SUMF1: variants seen among roughly 807,000 people sequenced by gnomAD.
The protein encoded by SUMF1 is sulfatase modifying factor 1.
Under a neutral mutation model 47.6 loss-of-function variants are expected in SUMF1, and 48 were observed. The ratio of observed to expected loss-of-function variants is 1.01; its 90% CI spans 0.80 to 1.28. The LOEUF is 1.28. Ranked by LOEUF, SUMF1 falls within the 50% of genes most tolerant of loss-of-function variation. The probability of loss-of-function intolerance (pLI) is 0.00; values close to 1 mark genes in which losing one functional copy is unlikely to be tolerated. For missense variants in SUMF1, 571 were observed against 485.4 expected, an observed-to-expected ratio of 1.18 and a Z score of -1.66; for synonymous variants, 230 against 192.1, an observed-to-expected ratio of 1.20 and a Z score of -1.63.
intron 9 of SUMF1, among the ~76,000 whole-genome samples, chr3:4,040,657 T>G (rs1198927274): frequency 2.0e-5 from 3 of 152,200 alleles, no homozygotes; most frequent in Non-Finnish European, 4.4e-5. Context: ...TGTCTGAGAT[T>G]TGATTTAGCA....
chr3:4,441,887 G>A (rs1702599061), intron 3 of SUMF1, among the ~76,000 whole-genome samples: 1 of 152,126 alleles, frequency 6.6e-6, no homozygotes, highest in African/African-American at 2.4e-5. Context: ...TATAAAACCA[G>A]ACAGAACAAC....
chr3:4,357,881 T>C (rs1216513346), downstream of SUMF1, among the ~76,000 whole-genome samples: 2 of 152,096 alleles, frequency 1.3e-5, no homozygotes, highest in Non-Finnish European at 2.9e-5. Context: ...GTGCAGGGAT[T>C]ACAGGCATGA....
chr3:4,157,380 A>G (rs1010784588), intron 8 of SUMF1, among the ~76,000 whole-genome samples: 9 of 151,620 alleles, frequency 5.9e-5, no homozygotes, highest in Non-Finnish European at 1.2e-4. Flanking sequence ...AGTGGCTGTC[A>G]TTATCCATAA....
chr3:4,178,717 A>C (rs961907082), intron 8 of SUMF1, among the ~76,000 whole-genome samples: 1 of 152,174 alleles, frequency 6.6e-6, no homozygotes, highest in African/African-American at 2.4e-5. Context: ...AAAGAAATAA[A>C]GGGTATTCAA....
chr3:4,206,780 C>G (rs1040429710), intron 8 of SUMF1, among the ~76,000 whole-genome samples: 2 of 152,002 alleles, frequency 1.3e-5, no homozygotes, highest in Admixed American at 1.3e-4. Context: ...GGGTTCTATT[C>G]AGCCATCTTG....
chr3:4,048,643 G>C (rs1695049224), intron 9 of SUMF1, among the ~76,000 whole-genome samples: 1 of 150,256 alleles, frequency 6.7e-6, no homozygotes, highest in African/African-American at 2.5e-5. Context: ...CCTTTTTTAG[G>C]CCCTAACTCC....
intron 8 of SUMF1, among the ~76,000 whole-genome samples, chr3:4,330,362 GA>G (rs751337199): frequency 6.6e-6 from 1 of 152,126 alleles, no homozygotes; most frequent in Non-Finnish European, 1.5e-5. Context: ...AATTTATACA[GA>G]AAAAAGAGGT....
At chr3:4,045,388 C>T (rs182911990) in intron 9 of SUMF1, among the ~76,000 whole-genome samples, 5 of 151,428 alleles carry the variant, frequency 3.3e-5, no homozygotes, top group Non-Finnish European at 7.4e-5. Flanking sequence ...ATCCACCCAT[C>T]CATCCATCCA....
chr3:4,284,624 G>A (rs1393848043), intron 8 of SUMF1, among the ~76,000 whole-genome samples: 1 of 151,876 alleles, frequency 6.6e-6, no homozygotes, highest in African/African-American at 2.4e-5. Context: ...ACTCCAGTGT[G>A]ATATTTTCTT....
chr3:4,307,506 T>A (rs1227808132), intron 8 of SUMF1, among the ~76,000 whole-genome samples: 4 of 152,194 alleles, frequency 2.6e-5, no homozygotes, highest in Admixed American at 2.0e-4. Context: ...AATGTAAGTC[T>A]AGTTCAGAGA....
At chr3:4,093,002 T>C (rs573278175) in intron 8 of SUMF1, among the ~76,000 whole-genome samples, 3 of 152,146 alleles carry the variant, frequency 2.0e-5, no homozygotes, top group Middle Eastern at 3.4e-3. Context: ...GAGATAGAAA[T>C]GACTGAATAC....
chr3:4,064,424 T>G lies in SUMF1; in HGVS notation c.1191+4145A>C, dbSNP rs1157526835. On this transcript the variant is annotated intron_variant and NMD_transcript_variant, in intron 9 of 12. Coordinates refer to the SUMF1 transcript ENST00000448413. ...GGGGAAGAAACCCTCAGTTCTGGGTTTGCTTGCCCCTTTCCTGGAAAACTC... is the reference window on the plus strand; with the variant it reads ...GGGGAAGAAACCCTCAGTTCTGGGTGTGCTTGCCCCTTTCCTGGAAAACTC... Among the ~76,000 whole-genome samples the G allele has an allele frequency of 2.0e-5, 3 of 152,178 alleles. No individual in the cohort carries two copies. In the East Asian group the frequency reaches 5.8e-4, roughly 29 times the overall value.
chr3:4,217,523 T>TATTATATATATATATAATATATATATATA (rs1553610084), intron 8 of SUMF1, among the ~76,000 whole-genome samples: 7 of 48,582 alleles, frequency 1.4e-4, no homozygotes, highest in African/African-American at 5.7e-4. Flanking sequence ...TTTATATATA[T>TATTATATATATATATAATATATATATATA]ATATATATAT....
chr3:4,139,498 T>C (rs999037464), intron 8 of SUMF1, among the ~76,000 whole-genome samples: 2 of 151,850 alleles, frequency 1.3e-5, no homozygotes, highest in Admixed American at 6.6e-5. Context: ...TTCATGTTGA[T>C]AAAATGTATA....
chr3:4,288,607 G>A (rs1697680762), intron 8 of SUMF1, among the ~76,000 whole-genome samples: 1 of 152,062 alleles, frequency 6.6e-6, no homozygotes, highest in African/African-American at 2.4e-5. Context: ...AGACCAGCCT[G>A]ACCAACATGG....
In SUMF1 at chr3:4,054,833, G is replaced by A. The variant is rs144256933; in HGVS notation, c.1191+13736C>T. On this transcript the variant is annotated intron_variant and NMD_transcript_variant, in intron 9 of 12. Transcript: ENST00000448413. ...ACCAGCACTGTGCTAAGGGCTCCAC[G>A]TATAGTCTTATTTCATATGCACAAC... 1.7e-3 allele frequency among the ~76,000 whole-genome samples: 253 copies of A among 152,252 alleles called. 1 individual carries two copies. The highest frequency in any genetic ancestry group is 5.6e-3 in the African/African-American group (233 of 41,526).
chr3:4,130,566 T>A (rs572430631), intron 8 of SUMF1, among the ~76,000 whole-genome samples: 4 of 152,280 alleles, frequency 2.6e-5, no homozygotes, highest in African/African-American at 9.6e-5. Context: ...GGTGAGACAT[T>A]TGTGTGCCAC....
At chr3:4,131,992 G>T (rs752297257) in intron 8 of SUMF1, among the ~76,000 whole-genome samples, 2 of 152,080 alleles carry the variant, frequency 1.3e-5, no homozygotes, top group African/African-American at 2.4e-5. Flanking sequence ...TGCCCAATTT[G>T]CCAGGAGCAG....
At chr3:4,086,757 T>C (rs570142624) in intron 8 of SUMF1, among the ~76,000 whole-genome samples, 5 of 152,236 alleles carry the variant, frequency 3.3e-5, no homozygotes, top group East Asian at 1.9e-4. Flanking sequence ...AATTGAATCA[T>C]GAGGGCGGTT....
Sources: gnomAD v4.1 joint callset for allele counts (sites outside exome capture counted in the v4.1 genomes callset) on GRCh38, gnomAD v4.1.1 for gene constraint, MANE v1.5 for transcripts, NCBI Gene and HGNC (gene_info 2026-07-23, HGNC 2026-07-21) for gene names.